KCNH7: variants seen among roughly 807,000 people sequenced by gnomAD.
The protein encoded by KCNH7 is voltage-gated inwardly rectifying potassium channel KCNH7.
A neutral mutation model predicts 120.8 loss-of-function variants in KCNH7; 49 were observed. That is an observed-to-expected ratio of 0.41 (90% CI 0.32 to 0.51). KCNH7 has a LOEUF of 0.51. KCNH7 is among the 20% of genes least tolerant of loss of function. The pLI, the probability that KCNH7 is intolerant of heterozygous loss-of-function variation, is 0.38. For missense variants in KCNH7, 1,097 were observed against 1,446.6 expected, an observed-to-expected ratio of 0.76 and a Z score of 3.92; for synonymous variants, 547 against 516.1, an observed-to-expected ratio of 1.06 and a Z score of -0.81.
chr2:162,437,403 G>A (rs1293337320), intron 7 of KCNH7, among the ~76,000 whole-genome samples: 1 of 151,856 alleles, frequency 6.6e-6, no homozygotes, highest in Non-Finnish European at 1.5e-5. Flanking sequence ...CTTCTTTATA[G>A]GTTTAAAAGT....
At position 162,543,647 on chromosome 2, in the gene KCNH7, C is replaced by T. The variant is rs192717685; in HGVS notation, c.308-6567G>A. Among the ~76,000 whole-genome samples, 228 of 152,152 alleles carry T rather than the reference C, an allele frequency of 1.5e-3. 1 individual carries two copies. Among genetic ancestry groups the T allele is most frequent in the African/African-American group, 5.2e-3 (217 of 41,532 alleles). On this transcript the variant is annotated intron_variant, in intron 2 of 15. Coordinates refer to ENST00000332142, the MANE Select transcript of KCNH7 (RefSeq NM_033272.4). ...TAGTAAATTTCTTGGATGTGCAGCT[C>T]TGTGTAGCCCCTAGAATTGGACAGA...
intron 7 of KCNH7, among the ~76,000 whole-genome samples, chr2:162,439,310 C>T (rs188825939): frequency 2.0e-4 from 30 of 152,018 alleles, no homozygotes; most frequent in African/African-American, 7.0e-4. Flanking sequence ...CTAAAAAGAG[C>T]ATAAAAGCTC....
At chr2:162,730,254 GA>G (rs1013629600) in intron 2 of KCNH7, among the ~76,000 whole-genome samples, 1 of 151,264 alleles carries the variant, frequency 6.6e-6, no homozygotes, top group Non-Finnish European at 1.5e-5. Flanking sequence ...AGTCAATATT[GA>G]AAATGCTTAT....
At chr2:162,766,592 G>A (rs895594543) in intron 2 of KCNH7, among the ~76,000 whole-genome samples, 2 of 152,092 alleles carry the variant, frequency 1.3e-5, no homozygotes, top group African/African-American at 2.4e-5. Context: ...ATTTATTTTA[G>A]TCGTCGTTTT....
At chr2:162,526,227 G>A (rs1327360684) in intron 3 of KCNH7, among the ~76,000 whole-genome samples, 1 of 151,828 alleles carries the variant, frequency 6.6e-6, no homozygotes, top group Non-Finnish European at 1.5e-5. Flanking sequence ...TGCTTCACAA[G>A]GTAATAAGAT....
At chr2:162,617,365 GC>G (rs1384721493) in intron 2 of KCNH7, among the ~76,000 whole-genome samples, 2 of 152,140 alleles carry the variant, frequency 1.3e-5, no homozygotes, top group African/African-American at 4.8e-5. Flanking sequence ...TGTAGTCCCA[GC>G]TACTCAGGAG....
intron 2 of KCNH7, among the ~76,000 whole-genome samples, chr2:162,735,803 TAC>T (rs1687884678): frequency 6.6e-6 from 1 of 152,178 alleles, no homozygotes. Context: ...CTTTCTTTAT[TAC>T]AATACTTGCT....
intron 6 of KCNH7, among the ~76,000 whole-genome samples, chr2:162,469,987 A>C (rs1391855237): frequency 6.6e-6 from 1 of 152,188 alleles, no homozygotes; most frequent in Non-Finnish European, 1.5e-5. Flanking sequence ...GGGATTGCAG[A>C]CGGAGTCTCG....
At chr2:162,807,387 A>C (rs1485757068) in intron 2 of KCNH7, among the ~76,000 whole-genome samples, 14 of 151,596 alleles carry the variant, frequency 9.2e-5, no homozygotes, top group Non-Finnish European at 1.8e-4. Context: ...CAATGAGCCG[A>C]TATGGTGCCA....
chr2:162,686,913 A>G (rs765071670), intron 2 of KCNH7, among the ~76,000 whole-genome samples: 2 of 151,272 alleles, frequency 1.3e-5, no homozygotes, highest in Non-Finnish European at 2.9e-5. Flanking sequence ...GATCCCCAGT[A>G]AAGCCCATGT....
intron 7 of KCNH7, among the ~76,000 whole-genome samples, chr2:162,437,450 T>G (rs1400929224): frequency 6.6e-6 from 1 of 152,158 alleles, no homozygotes; most frequent in East Asian, 1.9e-4. Context: ...GGTTTTAAAT[T>G]ATTATTGGCT....
chr2:162,726,466 C>T (rs971613297), intron 2 of KCNH7, among the ~76,000 whole-genome samples: 13 of 152,168 alleles, frequency 8.5e-5, no homozygotes, highest in Non-Finnish European at 1.9e-4. Context: ...GTCTCCCAGA[C>T]TGAAGTGCAG....
intron 2 of KCNH7, among the ~76,000 whole-genome samples, chr2:162,756,738 T>G (rs573722410): frequency 6.6e-6 from 1 of 152,246 alleles, no homozygotes; most frequent in South Asian, 2.1e-4. Flanking sequence ...GCTAGGATTA[T>G]AGGTGTGAGC....
chr2:162,681,811 T>C (rs1219757343), intron 2 of KCNH7, among the ~76,000 whole-genome samples: 2 of 89,314 alleles, frequency 2.2e-5, no homozygotes, highest in Non-Finnish European at 4.2e-5. Flanking sequence ...GGGTCTGTGA[T>C]TTTTTTTTTT....
At chr2:162,822,036 T>G (rs1043863330) in intron 2 of KCNH7, among the ~76,000 whole-genome samples, 1 of 151,120 alleles carries the variant, frequency 6.6e-6, no homozygotes, top group South Asian at 2.1e-4. Flanking sequence ...TGAGTTTCAG[T>G]GTTCAAAATT....
At chr2:162,503,366 A>G (rs1477586386) in intron 6 of KCNH7, among the ~76,000 whole-genome samples, 1 of 152,066 alleles carries the variant, frequency 6.6e-6, no homozygotes, top group East Asian at 1.9e-4. Context: ...TCATTTACCC[A>G]TTTTACTAAA....
At chr2:162,761,408 T>C (rs1688962082) in intron 2 of KCNH7, among the ~76,000 whole-genome samples, 1 of 152,128 alleles carries the variant, frequency 6.6e-6, no homozygotes, top group Admixed American at 6.6e-5. Context: ...TATCAGAGGC[T>C]TTCTCAAGTT....
chr2:162,450,131 T>C (rs137892237), intron 6 of KCNH7, among the ~76,000 whole-genome samples: 20 of 152,238 alleles, frequency 1.3e-4, no homozygotes, highest in Non-Finnish European at 2.5e-4. Context: ...ATGTGAACTC[T>C]GTTCCTATTA....
intron 6 of KCNH7, among the ~76,000 whole-genome samples, chr2:162,500,802 G>T (rs1690662392): frequency 6.6e-6 from 1 of 152,012 alleles, no homozygotes; most frequent in African/African-American, 2.4e-5. Context: ...AAAATTTCCT[G>T]ACAAAGAGAA....
Sources: allele counts gnomAD v4.1 joint callset (sites outside exome capture counted in the v4.1 genomes callset), GRCh38; gene constraint gnomAD v4.1.1; transcripts MANE v1.5; gene names NCBI Gene and HGNC (gene_info 2026-07-23, HGNC 2026-07-21).